MEIKIN: variants seen among roughly 807,000 people sequenced by gnomAD.
The protein encoded by MEIKIN is meiotic kinetochore factor.
At chr5:131,914,050 A>T (rs978933059) in intron 7 of MEIKIN, among the ~76,000 whole-genome samples, 15 of 152,124 alleles carry the variant, frequency 9.9e-5, no homozygotes, top group African/African-American at 2.4e-4. Flanking sequence ...TTATCATGGG[A>T]ATGGTACGAT....
chr5:131,869,893 T>C (rs1750455653), intron 9 of MEIKIN, among the ~76,000 whole-genome samples: 1 of 152,228 alleles, frequency 6.6e-6, no homozygotes, highest in Non-Finnish European at 1.5e-5. Flanking sequence ...GTCTGTCTCT[T>C]CAATATTTGG....
chr5:131,942,533 T>C (rs1751889376), intron 4 of MEIKIN, 102 bp downstream of exon 4: 1 of 392,256 alleles, frequency 2.5e-6, no homozygotes. Context: ...AGGGAAAAGA[T>C]ACCTCTTCCA....
At chr5:131,857,554 C>T (rs1430619130) in intron 9 of MEIKIN, among the ~76,000 whole-genome samples, 2 of 152,184 alleles carry the variant, frequency 1.3e-5, no homozygotes, top group Non-Finnish European at 2.9e-5. Flanking sequence ...CCGCTTGTGG[C>T]ACAGCCTCGC....
At chr5:131,937,880 G>A (rs1471809762) in intron 4 of MEIKIN, among the ~76,000 whole-genome samples, 2 of 151,316 alleles carry the variant, frequency 1.3e-5, no homozygotes, top group Admixed American at 1.3e-4. Flanking sequence ...CATTTATTGG[G>A]GTGAGCACAG....
intron 5 of MEIKIN, 35 bp from the exon 6 acceptor site, chr5:131,921,976 G>T: frequency 2.5e-6 from 1 of 398,512 alleles, no homozygotes; most frequent in South Asian, 1.3e-4. Context: ...GTAAGACTTT[G>T]AACAACAGCC....
intron 9 of MEIKIN, among the ~76,000 whole-genome samples, chr5:131,872,462 G>T (rs907571174): frequency 1.3e-5 from 2 of 152,202 alleles, no homozygotes; most frequent in African/African-American, 4.8e-5. Context: ...ATAATAAAAA[G>T]AAATGAACAA....
chr5:131,822,314 T>C (rs1371680842), intron 11 of MEIKIN, among the ~76,000 whole-genome samples: 3 of 152,184 alleles, frequency 2.0e-5, no homozygotes, highest in African/African-American at 7.2e-5. Context: ...GTTAGGGACT[T>C]ACTGCTGCCA....
chr5:131,923,505 T>G (rs1380850620), intron 5 of MEIKIN, among the ~76,000 whole-genome samples: 2 of 151,948 alleles, frequency 1.3e-5, no homozygotes, highest in East Asian at 3.9e-4. Context: ...ATCTTTTTTT[T>G]TCTTTATTTT....
At chr5:131,886,906 A>C (rs1750807528) in intron 8 of MEIKIN, among the ~76,000 whole-genome samples, 1 of 149,650 alleles carries the variant, frequency 6.7e-6, no homozygotes, top group Non-Finnish European at 1.5e-5. Context: ...GCACCCATCA[A>C]CTCGTCATTT....
chr5:131,867,261 T>G (rs1053502242), intron 9 of MEIKIN, among the ~76,000 whole-genome samples: 1 of 152,302 alleles, frequency 6.6e-6, no homozygotes, highest in South Asian at 2.1e-4. Context: ...GCAGAAAATA[T>G]AGACTTCTCA....
chr5:131,844,006 A>C (rs982945748), intron 11 of MEIKIN, among the ~76,000 whole-genome samples: 1 of 152,186 alleles, frequency 6.6e-6, no homozygotes, highest in African/African-American at 2.4e-5. Context: ...ATGGCTGGGG[A>C]GGCCTCAGGA....
intron 11 of MEIKIN, among the ~76,000 whole-genome samples, chr5:131,824,554 A>C (rs1749578100): frequency 6.6e-6 from 1 of 152,056 alleles, no homozygotes; most frequent in African/African-American, 2.4e-5. Flanking sequence ...CAAAACAATA[A>C]CCAGGAATGG....
intron 8 of MEIKIN, among the ~76,000 whole-genome samples, chr5:131,885,782 A>T (rs972287588): frequency 6.6e-6 from 1 of 152,256 alleles, no homozygotes; most frequent in Non-Finnish European, 1.5e-5. Flanking sequence ...ACAGAGGGGT[A>T]GAGCACCAAA....
At chr5:131,922,368 C>T (rs1399006162) in intron 5 of MEIKIN, among the ~76,000 whole-genome samples, 1 of 151,994 alleles carries the variant, frequency 6.6e-6, no homozygotes, top group Non-Finnish European at 1.5e-5. Context: ...CCATACTCAA[C>T]ATATACAGCC....
At chr5:131,945,300 G>C in intron 1 of MEIKIN, 51 bp from the exon 2 acceptor site, 2 of 399,082 alleles carry the variant, frequency 5.0e-6, no homozygotes, top group Non-Finnish European at 8.8e-6. Flanking sequence ...ACCGGCTTCG[G>C]GGGGGTCCTG....
chr5:131,841,359 TG>T (rs1189112852), intron 11 of MEIKIN, among the ~76,000 whole-genome samples: 2 of 152,140 alleles, frequency 1.3e-5, no homozygotes, highest in Non-Finnish European at 2.9e-5. Flanking sequence ...AGCAGCAGTG[TG>T]GTGGGGCACA....
intron 11 of MEIKIN, among the ~76,000 whole-genome samples, chr5:131,844,273 C>T (rs1749971567): frequency 6.6e-6 from 1 of 152,128 alleles, no homozygotes; most frequent in East Asian, 1.9e-4. Context: ...TCATTCCAGA[C>T]TTACCCTTTC....
intron 9 of MEIKIN, among the ~76,000 whole-genome samples, chr5:131,855,801 C>G (rs1750182395): frequency 6.6e-6 from 1 of 151,896 alleles, no homozygotes; most frequent in Non-Finnish European, 1.5e-5. Context: ...CTTGAGACTG[C>G]AAGAGAGAGA....
At chr5:131,830,897 A>G (rs1214944759) in intron 11 of MEIKIN, among the ~76,000 whole-genome samples, 1 of 151,198 alleles carries the variant, frequency 6.6e-6, no homozygotes, top group Non-Finnish European at 1.5e-5. Context: ...TCTGAGGAGG[A>G]CTTTGGTTTT....
Sources: gnomAD v4.1 joint callset for allele counts (sites outside exome capture counted in the v4.1 genomes callset) on GRCh38, gnomAD v4.1.1 for gene constraint, MANE v1.5 for transcripts, NCBI Gene and HGNC (gene_info 2026-07-23, HGNC 2026-07-21) for gene names.